Variants in P2RY8 observed in about 807,000 individuals in gnomAD.
P2RY8 encodes the protein P2Y receptor family member 8.
Under a neutral mutation model 10.0 loss-of-function variants are expected in P2RY8, and 6 were observed. The observed-to-expected ratio is 0.60, with a 90% CI of 0.33 to 1.19. The LOEUF (loss-of-function observed/expected upper bound fraction) is 1.19, where lower values mean the gene tolerates loss of function less well. Among genes scored for constraint, P2RY8 ranks in the 50% most tolerant of loss-of-function variants. P2RY8 has a pLI of 0.04. For synonymous variants in P2RY8, 276 were observed against 252.5 expected, an observed-to-expected ratio of 1.09 and a Z score of -0.88; for missense variants, 456 against 542.0, an observed-to-expected ratio of 0.84 and a Z score of 1.58.
At chrX:1,505,210 G>A (rs1402590532) in intron 1 of P2RY8, among the ~76,000 whole-genome samples, 13 of 151,884 alleles carry the variant, frequency 8.6e-5, no homozygotes, top group Admixed American at 4.6e-4. Context: ...GCGTCTCAGA[G>A]GACCTGAGCT....
intron 1 of P2RY8, among the ~76,000 whole-genome samples, chrX:1,468,618 C>T (rs2091726735): frequency 6.6e-6 from 1 of 152,028 alleles, no homozygotes; most frequent in Admixed American, 6.5e-5. Context: ...TTGTTCTTGG[C>T]GGTGTCTGGC....
intron 1 of P2RY8, among the ~76,000 whole-genome samples, chrX:1,514,657 CTCCCTTCCCTTCCCT>C (rs754927617): frequency 0.12 from 344 of 2,896 alleles, 150 homozygotes; most frequent in Non-Finnish European, 0.21. Flanking sequence ...CTTTCCTCCC[CTCCCTTCCCTTCCCT>C]TCCTTTCCCT....
In P2RY8 at chrX:1,521,037, T is replaced by TTC. The variant is rs1556685209; in HGVS notation, c.-25+15883_-25+15884insGA. On this transcript the variant is annotated intron_variant, in intron 1 of 1. Coordinates refer to ENST00000381297, the MANE Select transcript of P2RY8 (RefSeq NM_178129.5). ...TATCCTCTCTGATTTTTCTTTTCTT[T>TTC]TTTTTTTTTTTTTTTTGAGACAGAG... Among the ~76,000 whole-genome samples the TTC allele has an allele frequency of 1.2e-4, 17 of 139,806 alleles. 1 individual carries two copies. The highest frequency in any genetic ancestry group is 3.7e-4 in the African/African-American group (14 of 37,674). 91.7% of individuals were successfully genotyped at this position (139,806 alleles called of 152,430 possible).
intron 1 of P2RY8, among the ~76,000 whole-genome samples, chrX:1,500,304 G>T (rs1347237740): frequency 6.6e-6 from 1 of 151,744 alleles, no homozygotes; most frequent in Non-Finnish European, 1.5e-5. Flanking sequence ...TTGAGGTAGG[G>T]TCTCACTCTG....
At chrX:1,480,607 T>C (rs1180879346) in intron 1 of P2RY8, among the ~76,000 whole-genome samples, 3 of 151,740 alleles carry the variant, frequency 2.0e-5, no homozygotes, top group African/African-American at 7.3e-5. Flanking sequence ...CACTCATAAG[T>C]GGGAGTTGAA....
chrX:1,464,121 G>A lies in P2RY8; in HGVS notation c.*1358C>T, dbSNP rs1687349896. 2.1e-5 allele frequency: 5 copies of A among 233,188 alleles called. No individual in the cohort carries two copies. The highest frequency in any genetic ancestry group is 3.4e-5 in the Non-Finnish European group (4 of 118,088). 14.4% of individuals were successfully genotyped at this position (233,188 alleles called of 1,614,324 possible). A position where few individuals can be genotyped will look rare whatever the true frequency, so the allele number is the denominator to read the frequency against. On this transcript the variant is annotated 3_prime_UTR_variant, in exon 2 of 2. Coordinates refer to ENST00000381297, the MANE Select transcript of P2RY8 (RefSeq NM_178129.5). The stretch of plus-strand genomic sequence containing the variant: ...GAAAGGGAGGGGCCGGGCATCCAAG[G>A]CCACCCACTGCGGAGACGCAGAGCC...
At chrX:1,509,774 T>TATCTATCTATCTATC (rs2092282217) in intron 1 of P2RY8, among the ~76,000 whole-genome samples, 2 of 127,726 alleles carry the variant, frequency 1.6e-5, no homozygotes, top group South Asian at 2.5e-4. Flanking sequence ...TCTATCTATC[T>TATCTATCTATCTATC]ATCTATCATC....
At chrX:1,511,554 C>G (rs2092298006) in intron 1 of P2RY8, among the ~76,000 whole-genome samples, 1 of 152,198 alleles carries the variant, frequency 6.6e-6, no homozygotes, top group Non-Finnish European at 1.5e-5. Flanking sequence ...AGATCTCGGT[C>G]TGTCACCTAG....
chrX:1,475,235 G>A (rs1205339797), intron 1 of P2RY8, among the ~76,000 whole-genome samples: 9 of 148,312 alleles, frequency 6.1e-5, no homozygotes, highest in Admixed American at 4.7e-4. Context: ...GGATGAGTGG[G>A]TGGATGGGTA....
intron 1 of P2RY8, among the ~76,000 whole-genome samples, chrX:1,496,101 G>A (rs1389304946): frequency 9.2e-5 from 14 of 152,092 alleles, no homozygotes; most frequent in Non-Finnish European, 1.5e-5. Context: ...TACGGCGGCC[G>A]AGCTGACTAC....
intron 1 of P2RY8, among the ~76,000 whole-genome samples, chrX:1,471,308 CATTTT>C (rs1461792608): frequency 2.8e-5 from 2 of 71,110 alleles, no homozygotes; most frequent in African/African-American, 1.0e-4. Flanking sequence ...GCGCCCAGCC[CATTTT>C]TTTTTTTTTT....
intron 1 of P2RY8, among the ~76,000 whole-genome samples, chrX:1,536,241 G>C (rs1203989641): frequency 6.6e-6 from 1 of 151,710 alleles, no homozygotes; most frequent in African/African-American, 2.4e-5. Context: ...CAAGAGAGGC[G>C]CATTTCATGG....
chrX:1,488,064 C>T lies in P2RY8; in HGVS notation c.-24-21482G>A, dbSNP rs1270055965. On this transcript the variant is annotated intron_variant, in intron 1 of 1. Transcript: ENST00000381297. ...GGTGGAGGTTGCGGTGAGCCAAGAT[C>T]GTGCCGCTGCACTCCAGCCTGGCCA... 7.9e-5 allele frequency among the ~76,000 whole-genome samples: 12 copies of T among 151,738 alleles called. No individual in the cohort carries two copies. The East Asian group carries it at 1.2e-3, about 15-fold the overall frequency.
chrX:1,470,087 C>G (rs1182245680), intron 1 of P2RY8, among the ~76,000 whole-genome samples: 1 of 151,876 alleles, frequency 6.6e-6, no homozygotes. Flanking sequence ...GGCCGGGCAT[C>G]ATGGCTCACA....
At chrX:1,524,433 C>CCATCCATT (rs1489877787) in intron 1 of P2RY8, among the ~76,000 whole-genome samples, 1 of 140,376 alleles carries the variant, frequency 7.1e-6, no homozygotes, top group Non-Finnish European at 1.6e-5. Context: ...ATCCATCCAT[C>CCATCCATT]CATCCATTCA....
intron 1 of P2RY8, among the ~76,000 whole-genome samples, chrX:1,522,913 A>G: frequency 6.6e-6 from 1 of 151,552 alleles, no homozygotes; most frequent in East Asian, 2.0e-4. Flanking sequence ...TACTAAAAAT[A>G]CAAACATTAG....
At chrX:1,515,462 C>T (rs1244250663) in intron 1 of P2RY8, among the ~76,000 whole-genome samples, 1 of 151,466 alleles carries the variant, frequency 6.6e-6, no homozygotes, top group Non-Finnish European at 1.5e-5. Flanking sequence ...ACCTCCGCCT[C>T]CCAGGTTCAA....
chrX:1,466,723 C>G (rs73623911), intron 1 of P2RY8, 141 bp from the exon 2 acceptor site: 1 of 707,054 alleles, frequency 1.4e-6, no homozygotes, highest in African/African-American at 1.8e-5. Flanking sequence ...TCCCTCCCTC[C>G]CTCCCTTAGT....
intron 1 of P2RY8, among the ~76,000 whole-genome samples, chrX:1,517,025 T>C (rs1265862868): frequency 7.1e-6 from 1 of 140,746 alleles, no homozygotes; most frequent in Non-Finnish European, 1.6e-5. Flanking sequence ...CACACACAGA[T>C]GGACGACTCT....
Sources: allele counts gnomAD v4.1 joint callset (sites outside exome capture counted in the v4.1 genomes callset), GRCh38; gene constraint gnomAD v4.1.1; transcripts MANE v1.5; gene names NCBI Gene and HGNC (gene_info 2026-07-23, HGNC 2026-07-21).